ANK1: variants seen among roughly 807,000 people sequenced by gnomAD.
The protein encoded by ANK1 is ankyrin 1, also known as ankyrin-1.
ANK1 carries 51 observed loss-of-function variants against 210.4 expected under a neutral mutation model. That is an observed-to-expected ratio of 0.24 (90% CI 0.19 to 0.31). The LOEUF is 0.31. ANK1 is among the 10% of genes least tolerant of loss of function. The pLI is 1.00. For missense variants in ANK1, 2,051 were observed against 2,504.4 expected (o/e 0.82, Z 3.86); for synonymous variants, 967 against 1,025.9 (o/e 0.94, Z 1.10).
chr8:41,896,499 C>A, exon 1 of ANK1: 1 of 1,583,550 alleles, frequency 6.3e-7, no homozygotes, highest in Non-Finnish European at 8.6e-7. Context: ...ACGGCGCTCC[C>A]GTCCCCGCCT....
intron 1 of ANK1, among the ~76,000 whole-genome samples, chr8:41,882,590 G>T (rs1023539762): frequency 3.3e-5 from 5 of 152,210 alleles, no homozygotes; most frequent in Non-Finnish European, 7.3e-5. Context: ...TCTCTCCTGA[G>T]AATCCCGAGT....
At chr8:41,692,093 G>A (rs1465648698) in intron 31 of ANK1, among the ~76,000 whole-genome samples, 1 of 148,974 alleles carries the variant, frequency 6.7e-6, no homozygotes, top group Non-Finnish European at 1.5e-5. Flanking sequence ...GTCTTGCTCT[G>A]TCACCCAGGC....
At chr8:41,720,017 G>T (rs984677422) in intron 9 of ANK1, among the ~76,000 whole-genome samples, 159 bp from the exon 10 acceptor site, 1 of 152,100 alleles carries the variant, frequency 6.6e-6, no homozygotes, top group Non-Finnish European at 1.5e-5. Flanking sequence ...CGCTCCTGCC[G>T]GTCTCTGACC....
intron 20 of ANK1, among the ~76,000 whole-genome samples, chr8:41,702,930 G>A (rs1039743521): frequency 6.6e-6 from 1 of 152,056 alleles, no homozygotes; most frequent in African/African-American, 2.4e-5. Context: ...AGTGGTTCTT[G>A]TGCCTCAGCC....
intron 38 of ANK1, 87 bp downstream of exon 38, chr8:41,672,267 G>T: frequency 6.8e-7 from 1 of 1,464,128 alleles, no homozygotes; most frequent in South Asian, 1.2e-5. Flanking sequence ...GGTTGGCATC[G>T]ACACCTCTGT....
rs1820376811 is a variant in ANK1 at position 41,694,864 on chromosome 8, G to C, written c.3116-61C>G. 1.3e-6 allele frequency: 2 copies of C among 1,566,068 alleles called. No individual in the cohort carries two copies. The highest frequency in any genetic ancestry group is 2.2e-5 in the South Asian group (2 of 88,974). Reference sequence around the variant, plus strand: ...ATCAGGCACAGGTTCAGGACTTCCAGGGGCCCCAGAGTCTCCTTGTCCCCA... The same window carrying C: ...ATCAGGCACAGGTTCAGGACTTCCACGGGCCCCAGAGTCTCCTTGTCCCCA... On this transcript the variant is annotated intron_variant, in intron 27 of 42. Coordinates refer to ENST00000289734, the MANE Select transcript of ANK1 (RefSeq NM_000037.4). This position sits in a 1 kb window ranked among gnomAD's most constrained non-coding sequence, Gnocchi z 5.7.
chr8:41,701,933 G>C, intron 21 of ANK1, 119 bp downstream of exon 21: 1 of 1,081,200 alleles, frequency 9.2e-7, no homozygotes, highest in Non-Finnish European at 1.4e-6. Context: ...GTCGGGCGCG[G>C]CGCCTCCGAC....
At chr8:41,839,456 G>A (rs553614555) in intron 1 of ANK1, among the ~76,000 whole-genome samples, 5 of 152,358 alleles carry the variant, frequency 3.3e-5, no homozygotes, top group Non-Finnish European at 5.9e-5. Flanking sequence ...AGCAGACACA[G>A]CAGACCCTTT....
intron 37 of ANK1, among the ~76,000 whole-genome samples, chr8:41,676,083 C>T (rs910647483): frequency 2.6e-5 from 4 of 152,298 alleles, no homozygotes; most frequent in African/African-American, 9.6e-5. Context: ...TCTGTATGGA[C>T]ATAATGCTTT....
intron 1 of ANK1, among the ~76,000 whole-genome samples, chr8:41,836,182 A>C (rs1441616459): frequency 6.6e-6 from 1 of 152,240 alleles, no homozygotes; most frequent in Non-Finnish European, 1.5e-5. Flanking sequence ...AACCCACAGC[A>C]TCTCACGGGA....
chr8:41,868,845 G>A (rs1450055250), intron 1 of ANK1, among the ~76,000 whole-genome samples: 2 of 152,118 alleles, frequency 1.3e-5, no homozygotes, highest in Non-Finnish European at 2.9e-5. Flanking sequence ...TCGAACTTTC[G>A]GATGGGAGAC....
intron 1 of ANK1, among the ~76,000 whole-genome samples, chr8:41,806,721 G>A (rs760158652): frequency 1.3e-5 from 2 of 152,148 alleles, no homozygotes; most frequent in African/African-American, 2.4e-5. Flanking sequence ...CTCCAGCCTT[G>A]GCAACAGAGC....
At chr8:41,689,072 T>A (rs1818498902) in intron 33 of ANK1, among the ~76,000 whole-genome samples, 1 of 152,178 alleles carries the variant, frequency 6.6e-6, no homozygotes, top group African/African-American at 2.4e-5. Context: ...CACAGCCCTG[T>A]GGAAAAGCAT....
intron 1 of ANK1, among the ~76,000 whole-genome samples, chr8:41,777,152 T>G (rs1844234421): frequency 6.6e-6 from 1 of 152,238 alleles, no homozygotes; most frequent in South Asian, 2.1e-4. Context: ...TCTACGTTGC[T>G]TATCTGCAGA....
rs763199737 is a variant in ANK1, at chr8:41,718,158, C to T, written c.1154G>A (p.Arg385His). 28 of 1,613,952 alleles carry T rather than the reference C, an allele frequency of 1.7e-5. No homozygotes were observed. The highest frequency in any genetic ancestry group is 1.1e-5 in the South Asian group (1 of 91,088). ...LHIACKKNHV[R>H]VMELLLKTGA... ...CGTCTTCAGCAGCAGCTCCATGACA[C>T]GGACGTGGTTCTTTTTGCAGGCGAT... The change falls in exon 11 of 43, where the codon CGT (arginine) becomes CAT (histidine). Residue 385 changes from arginine to histidine, a missense_variant. Physicochemically the swap from Arg to His is conservative, Grantham distance 29. This residue lies in a region of ANK1 where 1,413 missense variants were observed against 1,707.4 expected (regional missense o/e 0.83). Coordinates refer to ENST00000289734, the MANE Select transcript of ANK1 (RefSeq NM_000037.4).
chr8:41,690,188 C>A (rs766887689), intron 33 of ANK1, 39 bp downstream of exon 33: 2 of 1,613,712 alleles, frequency 1.2e-6, no homozygotes, highest in Admixed American at 1.7e-5. Context: ...TACAGGGAAG[C>A]CGTCTCGGGC....
At chr8:41,716,548 A>G (rs1029553133) in intron 13 of ANK1, among the ~76,000 whole-genome samples, 2 of 152,070 alleles carry the variant, frequency 1.3e-5, no homozygotes, top group African/African-American at 4.8e-5. Context: ...AGCTCTTCTC[A>G]CTGTCTACTC....
At chr8:41,717,098 C>T in intron 12 of ANK1, 47 bp from the exon 13 acceptor site, 1 of 1,596,364 alleles carries the variant, frequency 6.3e-7, no homozygotes, top group Non-Finnish European at 8.6e-7. Flanking sequence ...GCCTGCTGTC[C>T]AAAACGGCAC....
intron 1 of ANK1, among the ~76,000 whole-genome samples, chr8:41,872,276 G>A (rs946570379): frequency 6.6e-6 from 1 of 152,238 alleles, no homozygotes; most frequent in African/African-American, 2.4e-5. Flanking sequence ...AGGGGACTGA[G>A]TCCCAGTGAG....
Sources: gnomAD v4.1 joint callset for allele counts (sites outside exome capture counted in the v4.1 genomes callset) on GRCh38, gnomAD v4.1.1 for gene constraint, gnomAD v4.1.1 regional missense constraint, Gnocchi (gnomAD v3.1) non-coding constraint, MANE v1.5 for transcripts, NCBI Gene and HGNC (gene_info 2026-07-23, HGNC 2026-07-21) for gene names.